The following CNTNAP5 variants were observed in gnomAD, a reference collection of about 807,000 sequenced individuals.
CNTNAP5 encodes the protein contactin associated protein family member 5, also known as contactin-associated protein-like 5.
In CNTNAP5, 72 loss-of-function variants were observed where a neutral mutation model predicts 150.2. The observed-to-expected ratio is 0.48, with a 90% CI of 0.40 to 0.58. The LOEUF (loss-of-function observed/expected upper bound fraction) is 0.58, where lower values mean the gene tolerates loss of function less well. CNTNAP5 is among the 20% of genes least tolerant of loss of function. CNTNAP5 has a pLI of 0.00. For synonymous variants in CNTNAP5, 672 were observed against 619.8 expected (o/e 1.08, Z -1.25); for missense variants, 1,636 against 1,626.2 (o/e 1.01, Z -0.10).
At chr2:124,345,726 G>A (rs545283579) in intron 3 of CNTNAP5, among the ~76,000 whole-genome samples, 3 of 152,124 alleles carry the variant, frequency 2.0e-5, no homozygotes, top group Non-Finnish European at 4.4e-5. Context: ...GGACAGAGTT[G>A]AAGTGACATT....
At chr2:124,305,035 G>A (rs1688649362) in intron 3 of CNTNAP5, among the ~76,000 whole-genome samples, 2 of 150,266 alleles carry the variant, frequency 1.3e-5, no homozygotes, top group South Asian at 4.2e-4. Context: ...AGAGGCCAAG[G>A]CAGGTGAGTT....
chr2:124,360,568 A>G (rs1380693256), intron 3 of CNTNAP5, among the ~76,000 whole-genome samples: 10 of 137,258 alleles, frequency 7.3e-5, no homozygotes, highest in African/African-American at 2.7e-4. Context: ...TCACTTATGA[A>G]GCTTAGTTTG....
At chr2:124,787,259 C>T (rs1681619052) in intron 17 of CNTNAP5, among the ~76,000 whole-genome samples, 1 of 152,158 alleles carries the variant, frequency 6.6e-6, no homozygotes, top group Non-Finnish European at 1.5e-5. Flanking sequence ...CCAAACAAAA[C>T]ATTTGACTAC....
chr2:124,667,011 TAAG>T (rs754080001), intron 13 of CNTNAP5, among the ~76,000 whole-genome samples: 178 of 115,734 alleles, frequency 1.5e-3, no homozygotes, highest in Non-Finnish European at 2.7e-3. Context: ...TGATGTGCTT[TAAG>T]AAGAACGATG....
At chr2:124,170,306 C>A (rs1684901025) in intron 1 of CNTNAP5, among the ~76,000 whole-genome samples, 2 of 151,766 alleles carry the variant, frequency 1.3e-5, no homozygotes, top group South Asian at 4.2e-4. Flanking sequence ...GCTTCAGTCA[C>A]TGACATAACC....
intron 12 of CNTNAP5, among the ~76,000 whole-genome samples, chr2:124,628,926 A>G (rs1349213502): frequency 6.6e-6 from 1 of 152,232 alleles, no homozygotes; most frequent in Non-Finnish European, 1.5e-5. Flanking sequence ...AGTTTCTGAC[A>G]AAATAGACTT....
intron 13 of CNTNAP5, among the ~76,000 whole-genome samples, chr2:124,661,506 C>G (rs1365215492): frequency 1.3e-5 from 2 of 152,034 alleles, no homozygotes; most frequent in East Asian, 3.9e-4. Flanking sequence ...GCTGTTGTCT[C>G]TTATTATAAC....
intron 3 of CNTNAP5, among the ~76,000 whole-genome samples, chr2:124,330,370 T>A (rs569541149): frequency 1.3e-3 from 196 of 150,862 alleles, no homozygotes; most frequent in African/African-American, 4.8e-3. Flanking sequence ...TACTCACAAA[T>A]AGTGATATGG....
At chr2:124,417,315 A>G (rs1691943954) in intron 3 of CNTNAP5, 128 bp from the exon 4 acceptor site, 11 of 894,428 alleles carry the variant, frequency 1.2e-5, no homozygotes, top group Non-Finnish European at 1.7e-5. Flanking sequence ...CACCCAAGTC[A>G]TATTTCAATT....
At chr2:124,134,041 T>G (rs780368369) in intron 1 of CNTNAP5, among the ~76,000 whole-genome samples, 1 of 152,190 alleles carries the variant, frequency 6.6e-6, no homozygotes, top group Non-Finnish European at 1.5e-5. Flanking sequence ...TGTTCTTTCC[T>G]GCAACATTAT....
intron 3 of CNTNAP5, among the ~76,000 whole-genome samples, chr2:124,263,465 G>A (rs1368943570): frequency 3.9e-5 from 6 of 152,130 alleles, no homozygotes; most frequent in Non-Finnish European, 5.9e-5. Flanking sequence ...AGAAGTGTCC[G>A]TTCATATCCT....
At chr2:124,624,639 T>A (rs1216936816) in intron 12 of CNTNAP5, among the ~76,000 whole-genome samples, 1 of 152,206 alleles carries the variant, frequency 6.6e-6, no homozygotes, top group Non-Finnish European at 1.5e-5. Flanking sequence ...AATAAATAAA[T>A]CTGTTCTTGT....
chr2:124,374,637 C>T (rs953007419), intron 3 of CNTNAP5, among the ~76,000 whole-genome samples: 6 of 152,126 alleles, frequency 3.9e-5, no homozygotes, highest in Non-Finnish European at 8.8e-5. Flanking sequence ...GCCTAGCAGG[C>T]GACATGCTCA....
intron 12 of CNTNAP5, among the ~76,000 whole-genome samples, chr2:124,631,287 A>G (rs918772028): frequency 1.3e-5 from 2 of 152,206 alleles, no homozygotes; most frequent in African/African-American, 4.8e-5. Flanking sequence ...AGCAAAAAGA[A>G]CAAAGCTGGA....
intron 1 of CNTNAP5, among the ~76,000 whole-genome samples, chr2:124,058,900 C>T (rs1250382176): frequency 6.6e-6 from 1 of 152,202 alleles, no homozygotes; most frequent in African/African-American, 2.4e-5. Flanking sequence ...CTGATCCAAT[C>T]TGCCAGGGAT....
chr2:124,394,394 G>T (rs893566345), intron 3 of CNTNAP5, among the ~76,000 whole-genome samples: 30 of 148,448 alleles, frequency 2.0e-4, no homozygotes, highest in African/African-American at 7.4e-4. Flanking sequence ...AAAAAGAAAA[G>T]AAAAAAGGTA....
intron 6 of CNTNAP5, among the ~76,000 whole-genome samples, chr2:124,456,519 C>A (rs143045307): frequency 1.3e-5 from 2 of 152,088 alleles, no homozygotes; most frequent in African/African-American, 4.8e-5. Flanking sequence ...ATTCAATACA[C>A]TCCTCATCAA....
chr2:124,528,863 A>G (rs1695038423), intron 10 of CNTNAP5, among the ~76,000 whole-genome samples: 1 of 152,180 alleles, frequency 6.6e-6, no homozygotes, highest in Non-Finnish European at 1.5e-5. Flanking sequence ...TGACTGCCCC[A>G]GTTCAGGAGA....
At chr2:124,391,063 T>C in intron 3 of CNTNAP5, among the ~76,000 whole-genome samples, 1 of 152,182 alleles carries the variant, frequency 6.6e-6, no homozygotes, top group East Asian at 1.9e-4. Context: ...CTTCTGCATA[T>C]TAACTAAGAT....
Sources: allele counts gnomAD v4.1 joint callset (sites outside exome capture counted in the v4.1 genomes callset), GRCh38; gene constraint gnomAD v4.1.1; transcripts MANE v1.5; gene names NCBI Gene and HGNC (gene_info 2026-07-23, HGNC 2026-07-21).